The following KCND2 variants were observed in gnomAD, a reference collection of about 807,000 sequenced individuals.
The protein encoded by KCND2 is A-type voltage-gated potassium channel KCND2.
KCND2 carries 16 observed loss-of-function variants against 54.4 expected under a neutral mutation model. The observed-to-expected ratio is 0.29, with a 90% CI of 0.20 to 0.45. The LOEUF (loss-of-function observed/expected upper bound fraction) is 0.45. KCND2 is among the 20% of genes least tolerant of loss of function. The probability of loss-of-function intolerance (pLI) is 1.00; values close to 1 mark genes in which losing one functional copy is unlikely to be tolerated. For missense variants in KCND2, 486 were observed against 824.2 expected (o/e 0.59, Z 5.02); for synonymous variants, 317 against 310.7 (o/e 1.02, Z -0.21).
chr7:120,578,850 G>T (rs751470960), intron 1 of KCND2, among the ~76,000 whole-genome samples: 1 of 151,902 alleles, frequency 6.6e-6, no homozygotes, highest in East Asian at 1.9e-4. Flanking sequence ...GAGCGACAGG[G>T]TGAGACTGAG....
chr7:120,314,699 T>C (rs1799787679), intron 1 of KCND2, among the ~76,000 whole-genome samples: 1 of 152,174 alleles, frequency 6.6e-6, no homozygotes, highest in African/African-American at 2.4e-5. Context: ...TTGTTGTCTC[T>C]ATAGTATAAT....
intron 1 of KCND2, among the ~76,000 whole-genome samples, chr7:120,633,192 G>T (rs770895139): frequency 6.6e-6 from 1 of 152,118 alleles, no homozygotes; most frequent in Non-Finnish European, 1.5e-5. Flanking sequence ...AAGTCAATTT[G>T]TCCCCTACTG....
At chr7:120,469,800 A>G (rs1282286990) in intron 1 of KCND2, among the ~76,000 whole-genome samples, 1 of 152,128 alleles carries the variant, frequency 6.6e-6, no homozygotes, top group Non-Finnish European at 1.5e-5. Flanking sequence ...AGTAGGCTAA[A>G]TAAAAAGCTA....
At chr7:120,383,406 A>G (rs1800940180) in intron 1 of KCND2, among the ~76,000 whole-genome samples, 1 of 152,044 alleles carries the variant, frequency 6.6e-6, no homozygotes, top group Non-Finnish European at 1.5e-5. Context: ...ATATGTGAAT[A>G]ATATTCAAAT....
intron 1 of KCND2, among the ~76,000 whole-genome samples, chr7:120,398,529 G>A (rs1021664637): frequency 6.6e-6 from 1 of 152,056 alleles, no homozygotes; most frequent in African/African-American, 2.4e-5. Context: ...GAGGGAGTGA[G>A]TGGGGAAGTT....
intron 1 of KCND2, among the ~76,000 whole-genome samples, chr7:120,308,126 T>C (rs1164147550): frequency 2.0e-5 from 3 of 152,080 alleles, no homozygotes; most frequent in Non-Finnish European, 2.9e-5. Context: ...TTCGTGTACT[T>C]TTTACTGAAA....
chr7:120,579,189 T>C (rs912593104), intron 1 of KCND2, among the ~76,000 whole-genome samples: 2 of 152,152 alleles, frequency 1.3e-5, no homozygotes, highest in Non-Finnish European at 2.9e-5. Flanking sequence ...GCAATTTTCC[T>C]CTGCTTTACC....
rs538224236 is a variant in KCND2, at chr7:120,567,847, A to G, written c.1116-165056A>G. ...ACGAATCTTTAGGGAATAAAATTAG[A>G]TATTTGTAGATAAGATCACAGTCCA... On this transcript the variant is annotated intron_variant, in intron 1 of 5. Coordinates refer to ENST00000331113, the MANE Select transcript of KCND2 (RefSeq NM_012281.3). 3.9e-5 allele frequency among the ~76,000 whole-genome samples: 6 copies of G among 152,292 alleles called. No homozygotes were observed. In the East Asian group the frequency reaches 1.2e-3, roughly 29 times the overall value.
At chr7:120,672,617 C>T (rs1190050090) in intron 1 of KCND2, among the ~76,000 whole-genome samples, 1 of 152,112 alleles carries the variant, frequency 6.6e-6, no homozygotes, top group Admixed American at 6.5e-5. Flanking sequence ...GGTGTACCAT[C>T]CATTGTTGTT....
At chr7:120,617,608 C>T (rs1793044356) in intron 1 of KCND2, among the ~76,000 whole-genome samples, 1 of 152,144 alleles carries the variant, frequency 6.6e-6, no homozygotes, top group African/African-American at 2.4e-5. Flanking sequence ...GAGCTTGAAA[C>T]AGAACTACCA....
chr7:120,720,021 T>C (rs527285429), intron 1 of KCND2, among the ~76,000 whole-genome samples: 18 of 152,180 alleles, frequency 1.2e-4, no homozygotes, highest in Non-Finnish European at 2.6e-4. Context: ...CTTTATAATG[T>C]TCCCTCATCT....
intron 1 of KCND2, among the ~76,000 whole-genome samples, chr7:120,311,974 G>A (rs564683973): frequency 6.6e-6 from 1 of 152,082 alleles, no homozygotes; most frequent in African/African-American, 2.4e-5. Context: ...GCACAATCTC[G>A]GCTCACCACA....
intron 1 of KCND2, among the ~76,000 whole-genome samples, chr7:120,349,488 T>G (rs1800371550): frequency 6.6e-6 from 1 of 152,218 alleles, no homozygotes; most frequent in South Asian, 2.1e-4. Flanking sequence ...CTAGAGTTTC[T>G]GATAATATCC....
At chr7:120,324,412 C>G (rs1257375634) in intron 1 of KCND2, among the ~76,000 whole-genome samples, 3 of 144,048 alleles carry the variant, frequency 2.1e-5, no homozygotes, top group Admixed American at 7.0e-5. Flanking sequence ...AGGTTTTCTT[C>G]TAGGGTTTTT....
At chr7:120,325,765 TA>T (rs1799965093) in intron 1 of KCND2, among the ~76,000 whole-genome samples, 1 of 152,212 alleles carries the variant, frequency 6.6e-6, no homozygotes, top group East Asian at 1.9e-4. Context: ...ACCAGCCATT[TA>T]AAAAAAGTGG....
chr7:120,388,820 A>G (rs766401761), intron 1 of KCND2, among the ~76,000 whole-genome samples: 7 of 151,600 alleles, frequency 4.6e-5, no homozygotes, highest in Non-Finnish European at 8.8e-5. Flanking sequence ...AAATGGTTAT[A>G]TGTTATACAT....
chr7:120,370,623 C>T (rs1800752482), intron 1 of KCND2, among the ~76,000 whole-genome samples: 1 of 151,870 alleles, frequency 6.6e-6, no homozygotes, highest in African/African-American at 2.4e-5. Context: ...AGAGAGTAAA[C>T]ACTCAAAACA....
At chr7:120,633,066 TA>T (rs1793259401) in intron 1 of KCND2, among the ~76,000 whole-genome samples, 2 of 152,196 alleles carry the variant, frequency 1.3e-5, no homozygotes, top group Admixed American at 1.3e-4. Flanking sequence ...ATCACACACG[TA>T]AAGCCCTGAA....
chr7:120,571,153 G>T (rs1792360896), intron 1 of KCND2, among the ~76,000 whole-genome samples: 1 of 152,090 alleles, frequency 6.6e-6, no homozygotes, highest in Admixed American at 6.6e-5. Context: ...TACCTATATG[G>T]TTGGTGTACA....
Sources: allele counts gnomAD v4.1 joint callset (sites outside exome capture counted in the v4.1 genomes callset), GRCh38; gene constraint gnomAD v4.1.1; transcripts MANE v1.5; gene names NCBI Gene and HGNC (gene_info 2026-07-23, HGNC 2026-07-21).